UBFD1: variants seen among roughly 807,000 people sequenced by gnomAD.
UBFD1 encodes the protein ubiquitin family domain containing 1, also known as ubiquitin domain-containing protein UBFD1.
In UBFD1, 12 loss-of-function variants were observed where a neutral mutation model predicts 35.1. The observed-to-expected ratio is 0.34, with a 90% CI of 0.22 to 0.55. The LOEUF is 0.55. Ranked by LOEUF, UBFD1 falls within the 20% of genes least tolerant of loss-of-function variation. The pLI, the probability that UBFD1 is intolerant of heterozygous loss-of-function variation, is 0.89. For synonymous variants in UBFD1, 178 were observed against 167.6 expected, an observed-to-expected ratio of 1.06 and a Z score of -0.48; for missense variants, 337 against 410.8, an observed-to-expected ratio of 0.82 and a Z score of 1.55.
chr16:23,558,012 C>G lies in UBFD1; in HGVS notation c.88C>G (p.Pro30Ala). 7.3e-7 allele frequency: 1 copy of G among 1,361,612 alleles called. No individual in the cohort carries two copies. Among genetic ancestry groups the G allele is most frequent in the Non-Finnish European group, 9.4e-7 (1 of 1,061,118 alleles). 84.3% of individuals were successfully genotyped at this position (1,361,612 alleles called of 1,614,324 possible). ...ETVATEAPAR[P>A]VNCLEAEAAA... is the part of the protein sequence containing the mutation. ...TGTGGCTACTGAGGCTCCCGCGCGG[C>G]CCGTCAACTGCCTGGAGGCTGAAGC... Residue 30 changes from proline (P) to alanine (A), a missense_variant, in exon 2 of 7, where the codon CCC becomes GCC. Pro to Ala is a conservative substitution (Grantham distance 27). This residue lies in a region of UBFD1 where 198 missense variants were observed against 168.4 expected (regional missense o/e 1.18). Coordinates refer to ENST00000395878, the MANE Select transcript of UBFD1 (RefSeq NM_019116.3).
Position 23,570,835 on chromosome 16 carries a change from G to T in UBFD1, c.*245G>T. 1 of 326,300 alleles carries T rather than the reference G, an allele frequency of 3.1e-6. No homozygotes were observed. Among genetic ancestry groups the T allele is most frequent in the East Asian group, 5.9e-5 (1 of 16,984 alleles). The allele number at this position is 326,300 out of a possible 1,614,324, so 20.2% of individuals were successfully genotyped here. ...ATACCATTTTTAAAGTCAATACGAT[G>T]GAAATCAATAAATCTGAATTCCGAA... On this transcript the variant is annotated 3_prime_UTR_variant, in exon 7 of 7. Transcript: ENST00000395878.
intron 3 of UBFD1, among the ~76,000 whole-genome samples, chr16:23,560,386 C>T (rs1419606007): frequency 6.6e-6 from 1 of 152,150 alleles, no homozygotes; most frequent in Non-Finnish European, 1.5e-5. Context: ...GCAAATTATA[C>T]TGATTGCTGT....
intron 4 of UBFD1, 93 bp downstream of exon 4, chr16:23,562,364 C>CTT: frequency 2.4e-6 from 3 of 1,247,970 alleles, no homozygotes; most frequent in South Asian, 1.4e-5. Context: ...TCTTTTTTCC[C>CTT]TGTTTTTTTT....
chr16:23,561,975 T>C (rs1325364139), intron 3 of UBFD1: 6 of 439,030 alleles, frequency 1.4e-5, no homozygotes, highest in African/African-American at 4.1e-5. Flanking sequence ...ATTTCAAGTG[T>C]GTAATAGTCA....
chr16:23,573,241 A>T lies in UBFD1; in HGVS notation c.*2651A>T, dbSNP rs1187731460. The T allele has an allele frequency of 6.6e-6, 1 of 152,076 alleles. No individual in the cohort carries two copies. Among genetic ancestry groups the T allele is most frequent in the Non-Finnish European group, 1.5e-5 (1 of 68,034 alleles). 9.4% of individuals were successfully genotyped at this position (152,076 alleles called of 1,614,324 possible). The stretch of plus-strand genomic sequence containing the variant: ...ATAAAGGAAGAGCTGGTTTCCGGAG[A>T]GTGACTGTAACAGCGTTGACTCGAA... On this transcript the variant is annotated 3_prime_UTR_variant, in exon 7 of 7. Coordinates refer to ENST00000395878, the MANE Select transcript of UBFD1 (RefSeq NM_019116.3).
intron 4 of UBFD1, 141 bp from the exon 5 acceptor site, chr16:23,562,484 T>A: frequency 1.2e-6 from 1 of 830,390 alleles, no homozygotes; most frequent in Non-Finnish European, 1.9e-6. Flanking sequence ...CCCAGGCTAG[T>A]CTCCAACTCC....
At chr16:23,567,120 C>A (rs1472081028) in intron 6 of UBFD1, 51 bp downstream of exon 6, 4 of 1,550,870 alleles carry the variant, frequency 2.6e-6, no homozygotes, top group Non-Finnish European at 2.7e-6. Flanking sequence ...CCCACTTCAC[C>A]TGGCAGGGAA....
At position 23,557,930 on chromosome 16, in the gene UBFD1, AC is replaced by A; in HGVS notation, c.26-15del. 1 of 1,307,982 alleles carries A rather than the reference AC, an allele frequency of 7.6e-7. No individual in the cohort carries two copies. The highest frequency in any genetic ancestry group is 9.7e-7 in the Non-Finnish European group (1 of 1,026,824). 81.0% of individuals were successfully genotyped at this position (1,307,982 alleles called of 1,614,324 possible). A position where few individuals can be genotyped will look rare whatever the true frequency, so the allele number is the denominator to read the frequency against. ...CAAGCCCAGCCCGCGGCGAGCGCCC[AC>A]CCCCTAACCCCCTTGCAGGCATGGA... On this transcript the variant is annotated intron_variant, in intron 1 of 6. Coordinates refer to ENST00000395878, the MANE Select transcript of UBFD1 (RefSeq NM_019116.3).
At chr16:23,560,463 G>C (rs1246488758) in intron 3 of UBFD1, among the ~76,000 whole-genome samples, 1 of 152,154 alleles carries the variant, frequency 6.6e-6, no homozygotes, top group Non-Finnish European at 1.5e-5. Context: ...GTCTGAAGTA[G>C]AGTAGATAAA....
intron 3 of UBFD1, chr16:23,561,990 A>C (rs2142213646): frequency 2.0e-6 from 1 of 507,070 alleles, no homozygotes; most frequent in Non-Finnish European, 3.5e-6. Context: ...TAGTCACAGC[A>C]GTAGGTAGTG....
chr16:23,566,868 CCAGT>C (rs1297140539), intron 5 of UBFD1, 115 bp from the exon 6 acceptor site: 8 of 916,582 alleles, frequency 8.7e-6, no homozygotes, highest in Admixed American at 8.5e-5. Context: ...GGGCATGGCG[CCAGT>C]CACTTGAGTT....
In UBFD1 at chr16:23,560,230, C is replaced by A. The variant is rs145144499; in HGVS notation, c.564+554C>A. 1.1e-4 allele frequency among the ~76,000 whole-genome samples: 16 copies of A among 152,198 alleles called. No homozygotes were observed. In the East Asian group the frequency reaches 3.1e-3, roughly 29 times the overall value. Reference sequence around the variant, plus strand: ...AAATAGGAGCTTGGTTTTTTACGTTCTCTGTTCTTTTGGCTGCAAGAGATC... The same window carrying A: ...AAATAGGAGCTTGGTTTTTTACGTTATCTGTTCTTTTGGCTGCAAGAGATC... On this transcript the variant is annotated intron_variant, in intron 3 of 6. Coordinates refer to ENST00000395878, the MANE Select transcript of UBFD1 (RefSeq NM_019116.3).
intron 2 of UBFD1, chr16:23,559,262 A>C (rs1056479945): frequency 3.7e-5 from 18 of 490,608 alleles, no homozygotes; most frequent in Admixed American, 2.2e-4. Context: ...TCCTTGAAAC[A>C]GGTCTGTACA....
chr16:23,560,366 T>C (rs1198250423), intron 3 of UBFD1, among the ~76,000 whole-genome samples: 1 of 152,210 alleles, frequency 6.6e-6, no homozygotes, highest in East Asian at 1.9e-4. Flanking sequence ...ACTTGTTATC[T>C]TTTTACCTGG....
At chr16:23,566,493 TGG>T (rs2142219035) in intron 5 of UBFD1, 1 of 152,850 alleles carries the variant, frequency 6.5e-6, no homozygotes, top group East Asian at 1.9e-4. Context: ...CCTGAGTAGC[TGG>T]GATTATAGGT....
intron 3 of UBFD1, 60 bp downstream of exon 3, chr16:23,559,736 T>C (rs1274902078): frequency 6.2e-7 from 1 of 1,604,768 alleles, no homozygotes; most frequent in African/African-American, 1.3e-5. Flanking sequence ...TCTTGAGCCG[T>C]GGCTGGTTAT....
Position 23,562,730 on chromosome 16 carries a change from G to C in UBFD1, c.736G>C (p.Glu246Gln). 6.2e-7 allele frequency: 1 copy of C among 1,613,804 alleles called. No homozygotes were observed. The highest frequency in any genetic ancestry group is 8.5e-7 in the Non-Finnish European group (1 of 1,179,778). Residue 246 changes from glutamate to glutamine, a missense_variant and splice_region_variant, in exon 5 of 7, where the codon GAG becomes CAG. This residue lies in a region of UBFD1 where 71 missense variants were observed against 149.6 expected (regional missense o/e 0.47). Transcript: ENST00000395878. ...AGACCAGCTGTGGATTGGCACTAAAGGTATGTTCTTCCTCGCCTCCTTGCT... is the reference window on the plus strand; with the variant it reads ...AGACCAGCTGTGGATTGGCACTAAACGTATGTTCTTCCTCGCCTCCTTGCT... Reference protein sequence around the residue: ...EQDQLWIGTKERTEKLPMGSI... With the variant: ...EQDQLWIGTKQRTEKLPMGSI...
chr16:23,560,081 C>T (rs908407720), intron 3 of UBFD1, among the ~76,000 whole-genome samples: 4 of 152,052 alleles, frequency 2.6e-5, no homozygotes, highest in African/African-American at 7.2e-5. Context: ...CCTGGCTAGG[C>T]ATGGAAATCA....
chr16:23,558,293 C>T lies in UBFD1; in HGVS notation c.355+14C>T. On this transcript the variant is annotated intron_variant, in intron 2 of 6. Transcript: ENST00000395878. ...ACTCGATTACAGGTAATTCCTGTGG[C>T]GCTGACAGCCAGTCTTCCCCACCCC... The T allele has an allele frequency of 3.1e-6, 5 of 1,592,418 alleles. No homozygotes were observed. The highest frequency in any genetic ancestry group is 4.3e-6 in the Non-Finnish European group (5 of 1,170,352).
Sources: allele counts gnomAD v4.1 joint callset (sites outside exome capture counted in the v4.1 genomes callset), GRCh38; gene constraint gnomAD v4.1.1; regional missense constraint gnomAD v4.1.1; transcripts MANE v1.5; gene names NCBI Gene and HGNC (gene_info 2026-07-23, HGNC 2026-07-21).